Variants in PCCA observed in about 807,000 individuals in gnomAD.
The protein encoded by PCCA is propionyl-CoA carboxylase alpha chain, mitochondrial.
A neutral mutation model predicts 101.3 loss-of-function variants in PCCA; 74 were observed. The ratio of observed to expected loss-of-function variants is 0.73; its 90% CI spans 0.61 to 0.89. The LOEUF is 0.89. Among genes scored for constraint, PCCA ranks in the 40% least tolerant of loss-of-function variants. The pLI, the probability that PCCA is intolerant of heterozygous loss-of-function variation, is 0.00. For missense variants in PCCA, 891 were observed against 907.0 expected (o/e 0.98, Z 0.23); for synonymous variants, 294 against 313.6 (o/e 0.94, Z 0.66).
chr13:100,176,436 T>C (rs2152423146), intron 6 of PCCA, among the ~76,000 whole-genome samples: 1 of 152,330 alleles, frequency 6.6e-6, no homozygotes, highest in Non-Finnish European at 1.5e-5. Flanking sequence ...ATTATTTACA[T>C]GTGTATAAAA....
intron 7 of PCCA, among the ~76,000 whole-genome samples, chr13:100,212,858 C>G (rs1402406270): frequency 6.6e-6 from 1 of 151,660 alleles, no homozygotes. Context: ...CATTAACCAT[C>G]CCCACATCAC....
chr13:100,262,373 G>A lies in PCCA; in HGVS notation c.717-356G>A, dbSNP rs536730032. Reference sequence around the variant, plus strand: ...CCTGCCACTGCACTCCAGCCTGGGCGACAGAGTGAGACTCTGTCTCAAAAA... The same window carrying A: ...CCTGCCACTGCACTCCAGCCTGGGCAACAGAGTGAGACTCTGTCTCAAAAA... On this transcript the variant is annotated intron_variant, in intron 9 of 23. Coordinates refer to ENST00000376285, the MANE Select transcript of PCCA (RefSeq NM_000282.4). Among the ~76,000 whole-genome samples the A allele has an allele frequency of 2.4e-4, 36 of 151,362 alleles. No homozygotes were observed. In the East Asian group the frequency reaches 3.9e-3, roughly 16 times the overall value.
intron 21 of PCCA, among the ~76,000 whole-genome samples, chr13:100,464,180 AG>A (rs562200392): frequency 2.8e-4 from 43 of 152,324 alleles, no homozygotes; most frequent in African/African-American, 1.0e-3. Flanking sequence ...ATGTGTTCAC[AG>A]GAAATTACCA....
At chr13:100,224,249 C>A (rs1391739681) in intron 7 of PCCA, among the ~76,000 whole-genome samples, 1 of 152,240 alleles carries the variant, frequency 6.6e-6, no homozygotes, top group Non-Finnish European at 1.5e-5. Context: ...GGTGGGCTGG[C>A]ACTGCTGGGT....
chr13:100,183,506 C>G (rs985735720), intron 6 of PCCA, among the ~76,000 whole-genome samples: 31 of 152,070 alleles, frequency 2.0e-4, no homozygotes, highest in African/African-American at 7.5e-4. Context: ...AGCTGGCCAT[C>G]GGGGGAAGTC....
chr13:100,326,536 T>C (rs1428735293), intron 16 of PCCA, among the ~76,000 whole-genome samples: 1 of 151,998 alleles, frequency 6.6e-6, no homozygotes, highest in Non-Finnish European at 1.5e-5. Flanking sequence ...TTTAGAGAAA[T>C]GAAAAAGCAA....
chr13:100,215,167 A>T (rs2059441821), intron 7 of PCCA, among the ~76,000 whole-genome samples: 1 of 152,180 alleles, frequency 6.6e-6, no homozygotes, highest in African/African-American at 2.4e-5. Flanking sequence ...TCACATAGGC[A>T]TTCCTTAACT....
chr13:100,390,224 C>A (rs1399155882), intron 19 of PCCA, among the ~76,000 whole-genome samples: 1 of 152,214 alleles, frequency 6.6e-6, no homozygotes, highest in East Asian at 1.9e-4. Flanking sequence ...CATGTACAAT[C>A]TACTTTCATT....
chr13:100,518,938 A>G (rs571815950), intron 22 of PCCA, among the ~76,000 whole-genome samples: 24 of 152,228 alleles, frequency 1.6e-4, no homozygotes, highest in Non-Finnish European at 3.2e-4. Context: ...ATAACGGTAG[A>G]ATACATTTTT....
At chr13:100,302,121 G>A (rs184286471) in intron 13 of PCCA, among the ~76,000 whole-genome samples, 77 of 151,956 alleles carry the variant, frequency 5.1e-4, no homozygotes, top group African/African-American at 1.7e-3. Context: ...AGTAAAACAT[G>A]TACTCTTAAT....
chr13:100,434,491 G>T (rs1324464248), intron 20 of PCCA, among the ~76,000 whole-genome samples: 1 of 152,178 alleles, frequency 6.6e-6, no homozygotes, highest in Admixed American at 6.6e-5. Flanking sequence ...AGGCAACCTG[G>T]CATTCACTCT....
chr13:100,270,693 G>T (rs781425503), intron 11 of PCCA, among the ~76,000 whole-genome samples: 8 of 152,258 alleles, frequency 5.3e-5, no homozygotes, highest in Non-Finnish European at 1.0e-4. Flanking sequence ...AAAATAAATG[G>T]AATGTGTAGT....
chr13:100,478,138 T>C (rs973475266), intron 21 of PCCA, among the ~76,000 whole-genome samples: 1 of 152,242 alleles, frequency 6.6e-6, no homozygotes, highest in African/African-American at 2.4e-5. Context: ...AGAGGAATGG[T>C]AGGTCTGAGG....
At chr13:100,342,120 T>C (rs1347414762) in intron 18 of PCCA, among the ~76,000 whole-genome samples, 4 of 151,902 alleles carry the variant, frequency 2.6e-5, no homozygotes, top group South Asian at 2.1e-4. Context: ...TGAACACCCA[T>C]GCACACATTA....
At chr13:100,123,285 C>T (rs1396913369) in intron 4 of PCCA, among the ~76,000 whole-genome samples, 1 of 152,174 alleles carries the variant, frequency 6.6e-6, no homozygotes, top group Non-Finnish European at 1.5e-5. Context: ...AAACTACTGA[C>T]CTCAGGTGAT....
chr13:100,420,869 T>C (rs1186285768), intron 19 of PCCA, among the ~76,000 whole-genome samples: 1 of 152,116 alleles, frequency 6.6e-6, no homozygotes, highest in African/African-American at 2.4e-5. Context: ...TGGTTGTTGA[T>C]TGCATATTGT....
chr13:100,240,591 T>A (rs1271403291), intron 8 of PCCA, among the ~76,000 whole-genome samples: 1 of 152,104 alleles, frequency 6.6e-6, no homozygotes, highest in Non-Finnish European at 1.5e-5. Context: ...AGATTTTTTT[T>A]ATTCATAAAC....
chr13:100,103,015 T>A (rs1322529584), intron 2 of PCCA, 55 bp downstream of exon 2: 7 of 1,158,784 alleles, frequency 6.0e-6, no homozygotes, highest in Non-Finnish European at 9.1e-6. Flanking sequence ...ATGGTTTTAC[T>A]TTCTCGTCTC....
At chr13:100,187,909 C>T (rs919243554) in intron 6 of PCCA, among the ~76,000 whole-genome samples, 9 of 152,138 alleles carry the variant, frequency 5.9e-5, no homozygotes, top group African/African-American at 1.9e-4. Flanking sequence ...CCCTTCCCAC[C>T]CTTTCCCCCA....
Sources: gnomAD v4.1 joint callset for allele counts (sites outside exome capture counted in the v4.1 genomes callset) on GRCh38, gnomAD v4.1.1 for gene constraint, MANE v1.5 for transcripts, NCBI Gene and HGNC (gene_info 2026-07-23, HGNC 2026-07-21) for gene names.